The following DUSP8 variants were observed in gnomAD, a reference collection of about 807,000 sequenced individuals.
DUSP8 encodes dual specificity phosphatase 8.
A neutral mutation model predicts 38.7 loss-of-function variants in DUSP8; 15 were observed. The observed-to-expected ratio is 0.39, with a 90% CI of 0.26 to 0.60. The LOEUF (loss-of-function observed/expected upper bound fraction) is 0.60. Ranked by LOEUF, DUSP8 falls within the 20% of genes least tolerant of loss-of-function variation. The pLI, the probability that DUSP8 is intolerant of heterozygous loss-of-function variation, is 0.56. For missense variants in DUSP8, 768 were observed against 915.0 expected (o/e 0.84, Z 2.07); for synonymous variants, 458 against 433.9 (o/e 1.06, Z -0.69).
chr11:1,557,763 G>A lies in DUSP8; in HGVS notation c.821+31C>T, dbSNP rs575190569. 1.2e-6 allele frequency: 2 copies of A among 1,611,692 alleles called. No individual in the cohort carries two copies. The highest frequency in any genetic ancestry group is 2.2e-5 in the East Asian group (1 of 44,866). On this transcript the variant is annotated intron_variant, in intron 6 of 6. Coordinates refer to ENST00000397374, the MANE Select transcript of DUSP8 (RefSeq NM_004420.3). This position sits in a 1 kb window ranked among gnomAD's most constrained non-coding sequence, Gnocchi z 9.9. ...CGGGGGAAGGGAAGCGACGCTGTGAGCCACAAGTGCGCGACTGGGGAAGGT... is the reference window on the plus strand; with the variant it reads ...CGGGGGAAGGGAAGCGACGCTGTGAACCACAAGTGCGCGACTGGGGAAGGT...
rs765530231 is a variant in DUSP8, at chr11:1,558,869, G to C, written c.537+20C>G. Reference sequence around the variant, plus strand: ...GCCCCTTTCCCATTGACCACCCCCCGAACTCCACTGCACACACACCTTGTT... The same window carrying C: ...GCCCCTTTCCCATTGACCACCCCCCCAACTCCACTGCACACACACCTTGTT... On this transcript the variant is annotated intron_variant, in intron 4 of 6. Transcript: ENST00000397374. The surrounding 1 kb of genome is among the most constrained non-coding windows in gnomAD (Gnocchi z 6.3). 1 of 1,584,126 alleles carries C rather than the reference G, an allele frequency of 6.3e-7. No individual in the cohort carries two copies. The highest frequency in any genetic ancestry group is 1.8e-5 in the Admixed American group (1 of 56,512).
chr11:1,572,430 G>C, upstream of DUSP8, among the ~76,000 whole-genome samples: 1 of 114,198 alleles, frequency 8.8e-6, no homozygotes, highest in South Asian at 3.1e-4. The surrounding 1 kb of genome is among the most constrained non-coding windows in gnomAD (Gnocchi z 4.7). Context: ...CGGCTGCCGC[G>C]GGGGGGGGGC....
In DUSP8 at chr11:1,555,505, C is replaced by G. The variant is rs1261865980; in HGVS notation, c.*1013G>C. On this transcript the variant is annotated 3_prime_UTR_variant, in exon 7 of 7. Coordinates refer to ENST00000397374, the MANE Select transcript of DUSP8 (RefSeq NM_004420.3). The stretch of plus-strand genomic sequence containing the variant: ...TGGCTGGGAGGGGGGCGGGGCAGAC[C>G]TGGAACAGAACCCTAAGACCACCCC... 2.1e-6 allele frequency: 2 copies of G among 972,364 alleles called. No individual in the cohort carries two copies. The highest frequency in any genetic ancestry group is 2.4e-6 in the Non-Finnish European group (2 of 817,686). The allele number at this position is 972,364 out of a possible 1,614,324, so 60.2% of individuals were successfully genotyped here.
intron 3 of DUSP8, among the ~76,000 whole-genome samples, chr11:1,560,767 C>T (rs914207617): frequency 6.6e-6 from 1 of 152,194 alleles, no homozygotes; most frequent in South Asian, 2.1e-4. Context: ...AGGGCTGCAC[C>T]ACTTCTCTGC....
At chr11:1,562,185 G>A (rs1848726726) in intron 3 of DUSP8, among the ~76,000 whole-genome samples, 1 of 152,136 alleles carries the variant, frequency 6.6e-6, no homozygotes, top group African/African-American at 2.4e-5. Flanking sequence ...CTGGGTGAGG[G>A]CCCCAGCCCC....
At chr11:1,562,647 A>G (rs1235341577) in intron 3 of DUSP8, among the ~76,000 whole-genome samples, 1 of 152,156 alleles carries the variant, frequency 6.6e-6, no homozygotes, top group East Asian at 1.9e-4. Flanking sequence ...GCATATGCCC[A>G]TACATGCACA....
intron 3 of DUSP8, among the ~76,000 whole-genome samples, chr11:1,562,982 C>T (rs866244058): frequency 1.3e-5 from 2 of 152,168 alleles, no homozygotes; most frequent in Non-Finnish European, 2.9e-5. Context: ...CTTCATCCCC[C>T]ACAGTCGCCC....
Position 1,555,272 on chromosome 11 carries a change from G to A in DUSP8, c.*1246C>T, listed in dbSNP as rs1351081396. 5.1e-6 allele frequency: 5 copies of A among 987,720 alleles called. No individual in the cohort carries two copies. The highest frequency in any genetic ancestry group is 2.8e-4 in the Middle Eastern group (1 of 3,570). 61.2% of individuals were successfully genotyped at this position (987,720 alleles called of 1,614,324 possible). A position where few individuals can be genotyped will look rare whatever the true frequency, so the allele number is the denominator to read the frequency against. On this transcript the variant is annotated 3_prime_UTR_variant, in exon 7 of 7. Coordinates refer to ENST00000397374, the MANE Select transcript of DUSP8 (RefSeq NM_004420.3). ...AGAGCACCCTGGGAAAGGGGTGAAT[G>A]GGAGTTTCTCTCCTGAGCGGCCCCA...
intron 3 of DUSP8, among the ~76,000 whole-genome samples, chr11:1,561,605 T>C (rs1848718192): frequency 6.6e-6 from 1 of 152,208 alleles, no homozygotes; most frequent in Non-Finnish European, 1.5e-5. Context: ...GGAGGTGGGC[T>C]TCACAGCAGT....
intron 1 of DUSP8, 139 bp from the exon 2 acceptor site, chr11:1,566,073 A>G: frequency 1.8e-6 from 1 of 541,282 alleles, no homozygotes; most frequent in Non-Finnish European, 3.3e-6. Flanking sequence ...CTCCCTCTGG[A>G]GAGACCCCGT....
In DUSP8 at chr11:1,557,176, C is replaced by A. The variant is rs1848644765; in HGVS notation, c.1220G>T (p.Arg407Leu). The change falls in exon 7 of 7, where the codon CGG becomes CTG. Residue 407 changes from arginine to leucine, a missense_variant. Physicochemically the swap from Arg to Leu is moderately radical, Grantham distance 102. This residue lies in a region of DUSP8 where 474 missense variants were observed against 430.8 expected (regional missense o/e 1.10). Transcript: ENST00000397374. The surrounding 1 kb of genome is among the most constrained non-coding windows in gnomAD (Gnocchi z 9.9). ...DIKSAYAPSR[R>L]PDGPGPPDPG... ...GTCGGGGGGCCCGGGGCCGTCGGGC[C>A]GCCTGCTAGGGGCGTAGGCAGACTT... 7.5e-6 allele frequency: 11 copies of A among 1,457,412 alleles called. No homozygotes were observed. The highest frequency in any genetic ancestry group is 2.8e-5 in the Admixed American group (1 of 36,026). 90.3% of individuals were successfully genotyped at this position (1,457,412 alleles called of 1,614,324 possible).
At chr11:1,566,941 T>C (rs986195373) in intron 1 of DUSP8, among the ~76,000 whole-genome samples, 3 of 152,132 alleles carry the variant, frequency 2.0e-5, no homozygotes, top group Non-Finnish European at 2.9e-5. Context: ...GGGCCCCATC[T>C]CCCTGTCACC....
In DUSP8 at chr11:1,554,733, C is replaced by T. The variant is rs902495962; in HGVS notation, c.*1785G>A. On this transcript the variant is annotated 3_prime_UTR_variant, in exon 7 of 7. Coordinates refer to ENST00000397374, the MANE Select transcript of DUSP8 (RefSeq NM_004420.3). The stretch of plus-strand genomic sequence containing the variant: ...GAGAAGCGGGAAGCCAGTGCATCCT[C>T]CTCACCCAGGGTCTCCTCAGAAACC... 9.1e-6 allele frequency: 5 copies of T among 548,362 alleles called. No homozygotes were observed. The Admixed American group carries it at 1.9e-4, about 21-fold the overall frequency. 34.0% of individuals were successfully genotyped at this position (548,362 alleles called of 1,614,324 possible).
chr11:1,556,440 AC>A lies in DUSP8; in HGVS notation c.*77del. 1 of 1,229,588 alleles carries A rather than the reference AC, an allele frequency of 8.1e-7. No homozygotes were observed. The highest frequency in any genetic ancestry group is 1.0e-6 in the Non-Finnish European group (1 of 986,270). The allele number at this position is 1,229,588 out of a possible 1,614,324, so 76.2% of individuals were successfully genotyped here. A position where few individuals can be genotyped will look rare whatever the true frequency, so the allele number is the denominator to read the frequency against. On this transcript the variant is annotated 3_prime_UTR_variant, in exon 7 of 7. Coordinates refer to ENST00000397374, the MANE Select transcript of DUSP8 (RefSeq NM_004420.3). This position sits in a 1 kb window ranked among gnomAD's most constrained non-coding sequence, Gnocchi z 5.2. ...GATAAAAATCCCAGTAAAACCATTTACCTTTCTTTGCATTATATATAATATA... is the reference window on the plus strand; with the variant it reads ...GATAAAAATCCCAGTAAAACCATTTACTTTCTTTGCATTATATATAATATA...
intron 1 of DUSP8, among the ~76,000 whole-genome samples, chr11:1,570,782 G>A (rs956935684): frequency 1.3e-5 from 2 of 152,116 alleles, no homozygotes; most frequent in African/African-American, 2.4e-5. Context: ...GAGGGCTGGG[G>A]CCTGGGGTGC....
chr11:1,571,322 G>A (rs994365139), intron 1 of DUSP8: 7 of 146,112 alleles, frequency 4.8e-5, no homozygotes, highest in African/African-American at 1.4e-4. Context: ...TATCCCTCAG[G>A]GGCCGGCTGG....
intron 1 of DUSP8, among the ~76,000 whole-genome samples, chr11:1,567,539 C>G (rs1283921465): frequency 1.3e-5 from 2 of 152,204 alleles, no homozygotes; most frequent in Non-Finnish European, 2.9e-5. Flanking sequence ...CTCGCACTCA[C>G]TCTCCTTCTC....
At position 1,557,795 on chromosome 11, in the gene DUSP8, T is replaced by C; in HGVS notation, c.820A>G (p.Arg274Gly). ...TMGMSSDDAY[R>G]FVKDRRPSIS... ...GTGCGCGACTGGGGAAGGTGGTACC[T>C]GTAGGCGTCGTCGGAGGACATGCCC... Residue 274 changes from arginine to glycine, a missense_variant and splice_region_variant, in exon 6 of 7, where the codon AGG becomes GGG. Coordinates refer to ENST00000397374, the MANE Select transcript of DUSP8 (RefSeq NM_004420.3). This position sits in a 1 kb window ranked among gnomAD's most constrained non-coding sequence, Gnocchi z 9.9. 6.2e-7 allele frequency: 1 copy of C among 1,612,832 alleles called. No individual in the cohort carries two copies. Among genetic ancestry groups the C allele is most frequent in the Non-Finnish European group, 8.5e-7 (1 of 1,179,968 alleles).
At position 1,557,190 on chromosome 11, in the gene DUSP8, G is replaced by A. The variant is rs910811917; in HGVS notation, c.1206C>T (p.Tyr402=). Residue 402 remains tyrosine, a synonymous_variant, in exon 7 of 7, where the codon TAC becomes TAT. Transcript: ENST00000397374. The surrounding 1 kb of genome is among the most constrained non-coding windows in gnomAD (Gnocchi z 9.9). ...RSFSLDIKSA[Y]APSRRPDGPG... ...GGCCGTCGGGCCGCCTGCTAGGGGC[G>A]TAGGCAGACTTGATGTCCAGGGAGA... is the stretch of plus-strand genomic sequence containing the variant. The A allele has an allele frequency of 1.8e-5, 26 of 1,483,168 alleles. No homozygotes were observed. The highest frequency in any genetic ancestry group is 1.5e-4 in the African/African-American group (10 of 67,572). The allele number at this position is 1,483,168 out of a possible 1,614,324, so 91.9% of individuals were successfully genotyped here.
Sources: allele counts gnomAD v4.1 joint callset (sites outside exome capture counted in the v4.1 genomes callset), GRCh38; gene constraint gnomAD v4.1.1; regional missense constraint gnomAD v4.1.1; non-coding constraint Gnocchi (gnomAD v3.1); transcripts MANE v1.5; gene names NCBI Gene and HGNC (gene_info 2026-07-23, HGNC 2026-07-21).